CCT5: variants seen among roughly 807,000 people sequenced by gnomAD.
CCT5 encodes chaperonin containing TCP1 subunit 5.
Under a neutral mutation model 55.0 loss-of-function variants are expected in CCT5, and 6 were observed. The ratio of observed to expected loss-of-function variants is 0.11; its 90% CI spans 0.06 to 0.22. The LOEUF is 0.22. Among genes scored for constraint, CCT5 ranks in the 10% least tolerant of loss-of-function variants. CCT5 has a pLI of 1.00. For synonymous variants in CCT5, 231 were observed against 243.7 expected (o/e 0.95, Z 0.49); for missense variants, 560 against 694.6 (o/e 0.81, Z 2.18).
chr5:10,260,970 G>T (rs1209182291), intron 7 of CCT5, 59 bp downstream of exon 7: 3 of 1,584,922 alleles, frequency 1.9e-6, no homozygotes, highest in Non-Finnish European at 2.6e-6. Context: ...TGTGTTGAGG[G>T]GTGTTTTGAT....
intron 1 of CCT5, chr5:10,251,024 C>G (rs1164664397): frequency 1.9e-5 from 5 of 266,522 alleles, no homozygotes; most frequent in Non-Finnish European, 2.9e-5. Flanking sequence ...AGGACAGCTA[C>G]GGAGAGGGTG....
chr5:10,260,788 C>G lies in CCT5; in HGVS notation c.874-4C>G. 1.2e-6 allele frequency: 2 copies of G among 1,613,248 alleles called. No individual in the cohort carries two copies. The highest frequency in any genetic ancestry group is 2.2e-5 in the East Asian group (1 of 44,866). Reference sequence around the variant, plus strand: ...TAATACGATTGTGGTGGTTCTTTTCCCAGATTAAAGAGACTGGTGCTAACC... The same window carrying G: ...TAATACGATTGTGGTGGTTCTTTTCGCAGATTAAAGAGACTGGTGCTAACC... On this transcript the variant is annotated splice_region_variant and splice_polypyrimidine_tract_variant and intron_variant, in intron 6 of 10. Transcript: ENST00000280326.
chr5:10,251,070 G>T (rs1745376055), intron 1 of CCT5, among the ~76,000 whole-genome samples: 1 of 152,322 alleles, frequency 6.6e-6, no homozygotes, highest in African/African-American at 2.4e-5. Context: ...GCTTTAGATC[G>T]GGGTGAGAGG....
In CCT5 at chr5:10,265,008, AAAC is replaced by A. The variant is rs1746151500; in HGVS notation, c.*229_*231del. On this transcript the variant is annotated 3_prime_UTR_variant, in exon 11 of 11. Coordinates refer to ENST00000280326, the MANE Select transcript of CCT5 (RefSeq NM_012073.5). ...TTCATTGTATTAAAAGAATCTGTTT[AAAC>A]AACCTTTATCTTCTCTTCGGGTTTA... 1.9e-6 allele frequency: 1 copy of A among 520,064 alleles called. No homozygotes were observed. The highest frequency in any genetic ancestry group is 3.4e-6 in the Non-Finnish European group (1 of 294,936). The allele number at this position is 520,064 out of a possible 1,614,324, so 32.2% of individuals were successfully genotyped here. A position where few individuals can be genotyped will look rare whatever the true frequency, so the allele number is the denominator to read the frequency against.
chr5:10,253,328 C>CAAA (rs11443315), intron 1 of CCT5, among the ~76,000 whole-genome samples: 2 of 147,694 alleles, frequency 1.4e-5, no homozygotes. Flanking sequence ...AAGACTGTCT[C>CAAA]AAAAAAAAAA....
chr5:10,253,449 G>A (rs1254717251), intron 1 of CCT5, among the ~76,000 whole-genome samples: 5 of 152,028 alleles, frequency 3.3e-5, no homozygotes, highest in African/African-American at 1.2e-4. Context: ...ATGGGGTCTC[G>A]CCATGTTTCC....
Position 10,261,997 on chromosome 5 carries a change from T to C in CCT5, c.1179+252T>C, listed in dbSNP as rs1017155747. On this transcript the variant is annotated intron_variant, in intron 8 of 10. Coordinates refer to ENST00000280326, the MANE Select transcript of CCT5 (RefSeq NM_012073.5). Reference sequence around the variant, plus strand: ...GAGATTTTTATATCTTTTTAAATACTTAAACACAGTTTAAATATTCAAGTC... The same window carrying C: ...GAGATTTTTATATCTTTTTAAATACCTAAACACAGTTTAAATATTCAAGTC... 62 of 469,552 alleles carry C rather than the reference T, an allele frequency of 1.3e-4. 1 individual carries two copies. Among genetic ancestry groups the C allele is most frequent in the African/African-American group, 1.1e-3 (55 of 50,804 alleles). The allele number at this position is 469,552 out of a possible 1,614,324, so 29.1% of individuals were successfully genotyped here.
chr5:10,250,238 T>C (rs1745298868), upstream of CCT5: 1 of 1,582,062 alleles, frequency 6.3e-7, no homozygotes, highest in Non-Finnish European at 8.6e-7. Flanking sequence ...CGTCTTGTGC[T>C]GCGCGTGCGC....
chr5:10,256,086 G>A lies in CCT5; in HGVS notation c.463G>A (p.Val155Ile), dbSNP rs760589901. Residue 155 changes from valine to isoleucine, a missense_variant, in exon 4 of 11, where the codon GTC (valine) becomes ATC (isoleucine). Physicochemically the swap from Val to Ile is conservative, Grantham distance 29. Coordinates refer to ENST00000280326, the MANE Select transcript of CCT5 (RefSeq NM_012073.5). ...IEHLDKISDS[V>I]LVDIKDTEPL... Reference sequence around the variant, plus strand: ...ACACCTGGACAAGATCAGCGATAGCGTCCTTGTTGACATAAAGGACACCGA... The same window carrying A: ...ACACCTGGACAAGATCAGCGATAGCATCCTTGTTGACATAAAGGACACCGA... 8.7e-6 allele frequency: 14 copies of A among 1,613,902 alleles called. No homozygotes were observed. The East Asian group carries it at 1.1e-4, about 13-fold the overall frequency.
intron 3 of CCT5, among the ~76,000 whole-genome samples, chr5:10,255,377 T>C (rs1252921562): frequency 6.6e-6 from 1 of 152,202 alleles, no homozygotes; most frequent in African/African-American, 2.4e-5. Context: ...TTTCTGAAGA[T>C]TTGAAATCTT....
intron 1 of CCT5, 172 bp downstream of exon 1, chr5:10,250,617 G>A: frequency 1.4e-6 from 2 of 1,437,386 alleles, no homozygotes; most frequent in Non-Finnish European, 1.8e-6. Flanking sequence ...CTCGGGAGAC[G>A]CCGGCGCCTA....
In CCT5 at chr5:10,263,214, T is replaced by C. The variant is rs773910003; in HGVS notation, c.1398T>C (p.Ser466=). 1 of 1,614,132 alleles carries C rather than the reference T, an allele frequency of 6.2e-7. No homozygotes were observed. The highest frequency in any genetic ancestry group is 8.5e-7 in the Non-Finnish European group (1 of 1,179,988). Residue 466 remains serine (S), a synonymous_variant, in exon 10 of 11, where the codon AGT becomes AGC. Coordinates refer to ENST00000280326, the MANE Select transcript of CCT5 (RefSeq NM_012073.5). The part of the protein sequence containing the change: ...EVIPMALSEN[S]GMNPIQTMTE... The stretch of plus-strand genomic sequence containing the variant: ...TCCCCATGGCCCTCTCTGAAAACAG[T>C]GGCATGAATCCCATCCAGACTATGA...
chr5:10,255,124 G>C (rs935038693), intron 3 of CCT5: 7 of 426,608 alleles, frequency 1.6e-5, no homozygotes, highest in Non-Finnish European at 2.6e-5. Flanking sequence ...AAACGTGGAA[G>C]AATTTGATTT....
rs745315091 is a variant in CCT5, at chr5:10,263,302, A to G, written c.1486A>G (p.Lys496Glu). 1.4e-5 allele frequency: 22 copies of G among 1,600,004 alleles called. No homozygotes were observed. The East Asian group carries it at 4.8e-4, about 35-fold the overall frequency. The change falls in exon 10 of 11, where the codon AAG becomes GAG. Residue 496 changes from lysine to glutamate, a missense_variant. Coordinates refer to ENST00000280326, the MANE Select transcript of CCT5 (RefSeq NM_012073.5). ...NPALGIDCLH[K>E]GTNDMKQQHV... ...TGCTCTTGGCATCGACTGTTTGCAC[A>G]AGGGGACAAATGGTGAGGAGCTGTC...
rs941885556 is a variant in CCT5, at chr5:10,251,282, G to T, written c.105+837G>T. Among the ~76,000 whole-genome samples, 3 of 152,180 alleles carry T rather than the reference G, an allele frequency of 2.0e-5. No individual in the cohort carries two copies. The South Asian group carries it at 6.2e-4, about 32-fold the overall frequency. Reference sequence around the variant, plus strand: ...GGGGAAGAAGGGGAGCCATTGAGGGGGTTTTGAGCAGAATTTCAGTAGAGC... The same window carrying T: ...GGGGAAGAAGGGGAGCCATTGAGGGTGTTTTGAGCAGAATTTCAGTAGAGC... On this transcript the variant is annotated intron_variant, in intron 1 of 10. Transcript: ENST00000280326.
chr5:10,264,846 A>T lies in CCT5; in HGVS notation c.*63A>T. The T allele has an allele frequency of 6.2e-7, 1 of 1,602,014 alleles. No individual in the cohort carries two copies. Among genetic ancestry groups the T allele is most frequent in the Non-Finnish European group, 8.5e-7 (1 of 1,169,884 alleles). On this transcript the variant is annotated 3_prime_UTR_variant, in exon 11 of 11. Coordinates refer to ENST00000280326, the MANE Select transcript of CCT5 (RefSeq NM_012073.5). ...TGATTAAGTAAATGGATGTCTCGTGATGCATCTACAGTTATTTATTGTTAC... is the reference window on the plus strand; with the variant it reads ...TGATTAAGTAAATGGATGTCTCGTGTTGCATCTACAGTTATTTATTGTTAC...
chr5:10,253,442 G>A (rs1745528631), intron 1 of CCT5, among the ~76,000 whole-genome samples: 1 of 152,144 alleles, frequency 6.6e-6, no homozygotes, highest in African/African-American at 2.4e-5. Context: ...TTTTGTAATG[G>A]GGTCTCGCCA....
At chr5:10,254,313 C>G in intron 2 of CCT5, 108 bp downstream of exon 2, 1 of 831,596 alleles carries the variant, frequency 1.2e-6, no homozygotes, top group Non-Finnish European at 2.0e-6. Flanking sequence ...CATCTTACTT[C>G]CTTAACACAG....
chr5:10,264,531 C>T, intron 10 of CCT5, 125 bp from the exon 11 acceptor site: 1 of 741,248 alleles, frequency 1.3e-6, no homozygotes. Flanking sequence ...TTAGTGGCTT[C>T]CTGCTTGGCT....
Sources: gnomAD v4.1 joint callset for allele counts (sites outside exome capture counted in the v4.1 genomes callset) on GRCh38, gnomAD v4.1.1 for gene constraint, MANE v1.5 for transcripts, NCBI Gene and HGNC (gene_info 2026-07-23, HGNC 2026-07-21) for gene names.